The following SH3TC1 variants were observed in gnomAD, a reference collection of about 807,000 sequenced individuals.
SH3TC1 encodes the protein SH3 domain and tetratricopeptide repeats 1.
SH3TC1 carries 135 observed loss-of-function variants against 117.3 expected under a neutral mutation model. The ratio of observed to expected loss-of-function variants is 1.15; its 90% confidence interval spans 1.00 to 1.33. The LOEUF is 1.33. SH3TC1 is among the 40% of genes most tolerant of loss of function. The pLI is 0.00. For missense variants in SH3TC1, 2,092 were observed against 1,794.3 expected (o/e 1.17, Z -3.00); for synonymous variants, 898 against 816.9 (o/e 1.10, Z -1.69).
chr4:8,233,697 CATCCATCCATCCATCCTTCCATT>C (rs1208066209), intron 14 of SH3TC1, among the ~76,000 whole-genome samples, 184 bp downstream of exon 14: 7 of 150,676 alleles, frequency 4.6e-5, no homozygotes, highest in Admixed American at 3.3e-4. Flanking sequence ...ATCCATCCAT[CATCCATCCATCCATCCTTCCATT>C]ATCCATCCAT....
At chr4:8,196,499 A>G (rs1293276748), upstream of SH3TC1, among the ~76,000 whole-genome samples, 1 of 152,168 alleles carries the variant, frequency 6.6e-6, no homozygotes, top group Non-Finnish European at 1.5e-5. The surrounding 1 kb of genome is among the most constrained non-coding windows in gnomAD (Gnocchi z 4.6). Context: ...CACCCAGGAA[A>G]GCAGCCCACA....
At chr4:8,226,451 C>T (rs978439593) in intron 11 of SH3TC1, among the ~76,000 whole-genome samples, 1 of 152,250 alleles carries the variant, frequency 6.6e-6, no homozygotes, top group Admixed American at 6.5e-5. Flanking sequence ...TCCCTGTCCT[C>T]TGCTGTGGGT....
At chr4:8,236,783 C>T (rs1317496802) in intron 16 of SH3TC1, 1 of 224,320 alleles carries the variant, frequency 4.5e-6, no homozygotes, top group Non-Finnish European at 8.7e-6. Context: ...CCACCCTCAT[C>T]AACCACACGG....
chr4:8,236,162 C>G, intron 15 of SH3TC1, 116 bp from the exon 16 acceptor site: 1 of 1,299,156 alleles, frequency 7.7e-7, no homozygotes, highest in Non-Finnish European at 1.0e-6. Flanking sequence ...ACAGCTGTGT[C>G]GAGGCCCAGG....
chr4:8,222,347 G>GACA (rs1376918736), intron 9 of SH3TC1, among the ~76,000 whole-genome samples: 2 of 137,450 alleles, frequency 1.5e-5, no homozygotes, highest in Non-Finnish European at 3.1e-5. Context: ...GGCACCCCTT[G>GACA]AGGTCAGGAT....
upstream of SH3TC1, among the ~76,000 whole-genome samples, chr4:8,194,997 T>C (rs1717516843): frequency 6.6e-6 from 1 of 152,120 alleles, no homozygotes; most frequent in Non-Finnish European, 1.5e-5. Flanking sequence ...TTCTGCCACA[T>C]AGGAGCTGTG....
At chr4:8,212,230 C>T (rs1391979182) in intron 3 of SH3TC1, among the ~76,000 whole-genome samples, 1 of 151,098 alleles carries the variant, frequency 6.6e-6, no homozygotes, top group Non-Finnish European at 1.5e-5. Flanking sequence ...GGTGGGTGCC[C>T]CCATGGTCCC....
chr4:8,205,075 G>A lies in SH3TC1; in HGVS notation c.-28-92G>A. On this transcript the variant is annotated intron_variant, in intron 1 of 17. Coordinates refer to ENST00000245105, the MANE Select transcript of SH3TC1 (RefSeq NM_018986.5). The surrounding 1 kb of genome is among the most constrained non-coding windows in gnomAD (Gnocchi z 5.4). ...AAAGGTGCAGGCGCTCAGCAACGCT[G>A]GTGTTCTCTTTCTGGACCCCAGGCC... The A allele has an allele frequency of 9.6e-7, 1 of 1,046,280 alleles. No individual in the cohort carries two copies. Among genetic ancestry groups the A allele is most frequent in the Middle Eastern group, 3.2e-4 (1 of 3,162 alleles). 64.8% of individuals were successfully genotyped at this position (1,046,280 alleles called of 1,614,324 possible).
In SH3TC1 at chr4:8,205,230, G is replaced by A. The variant is rs1399666287; in HGVS notation, c.36G>A (p.Pro12=). ...TCCCTGCCGTGACCACTGAGGAGCC[G>A]ACCCCCATGGGGAGGGGTCCTGTGG... ...ENLPAVTTEE[P]TPMGRGPVGP... is the part of the protein sequence containing the mutation. Residue 12 remains proline (P), a synonymous_variant, in exon 2 of 18, where the codon CCG becomes CCA. Transcript: ENST00000245105. The surrounding 1 kb of genome is among the most constrained non-coding windows in gnomAD (Gnocchi z 5.4). The A allele has an allele frequency of 5.2e-6, 8 of 1,548,490 alleles. No individual in the cohort carries two copies. The highest frequency in any genetic ancestry group is 2.0e-5 in the Admixed American group (1 of 50,626).
rs751578511 is a variant in SH3TC1, at chr4:8,228,097, C to T, written c.2403C>T (p.Cys801=). The change falls in exon 12 of 18, where the codon TGC becomes TGT. Residue 801 remains cysteine, a synonymous_variant. Coordinates refer to ENST00000245105, the MANE Select transcript of SH3TC1 (RefSeq NM_018986.5). The stretch of plus-strand genomic sequence containing the variant: ...CCCAGCTGTACAGCCACCATGGCTG[C>T]CACGGCCCGGCCATCACCTTCATGA... ...SLAQLYSHHG[C]HGPAITFMTQ... 1.9e-6 allele frequency: 3 copies of T among 1,609,184 alleles called. No individual in the cohort carries two copies. The South Asian group carries it at 3.3e-5, about 18-fold the overall frequency.
intron 4 of SH3TC1, 62 bp from the exon 5 acceptor site, chr4:8,214,413 C>A: frequency 1.3e-6 from 2 of 1,487,738 alleles, no homozygotes; most frequent in South Asian, 1.1e-5. Flanking sequence ...TGGACGCTGT[C>A]CTCCTGACAG....
intron 1 of SH3TC1, among the ~76,000 whole-genome samples, chr4:8,194,247 T>C (rs1301046848): frequency 1.3e-5 from 2 of 152,180 alleles, no homozygotes; most frequent in Non-Finnish European, 2.9e-5. Context: ...TTCACGCTGC[T>C]CTGTCCCAGG....
chr4:8,231,537 C>T (rs3756194), intron 12 of SH3TC1: 60,319 of 170,482 alleles, frequency 0.35, 11,377 homozygotes, highest in Non-Finnish European at 0.41. Context: ...GGGAGGAGCA[C>T]GTGTGGGAAT....
chr4:8,215,773 T>G (rs1486472047), intron 5 of SH3TC1, among the ~76,000 whole-genome samples: 1 of 152,214 alleles, frequency 6.6e-6, no homozygotes, highest in East Asian at 1.9e-4. Flanking sequence ...CAGACCCACC[T>G]TGCTGCTGGC....
Position 8,232,524 on chromosome 4 carries a change from C to A in SH3TC1, c.3131+368C>A, listed in dbSNP as rs762324212. 3 of 1,381,238 alleles carry A rather than the reference C, an allele frequency of 2.2e-6. No homozygotes were observed. The Admixed American group carries it at 5.6e-5, about 26-fold the overall frequency. The allele number at this position is 1,381,238 out of a possible 1,614,324, so 85.6% of individuals were successfully genotyped here. ...GTCTTCACTCCTGGCCTTCACCTGTCCCCTTAAATGTGACCACAGCAGCCA... is the reference window on the plus strand; with the variant it reads ...GTCTTCACTCCTGGCCTTCACCTGTACCCTTAAATGTGACCACAGCAGCCA... On this transcript the variant is annotated intron_variant, in intron 13 of 17. Coordinates refer to ENST00000245105, the MANE Select transcript of SH3TC1 (RefSeq NM_018986.5).
At chr4:8,208,178 T>C (rs1158564000) in intron 2 of SH3TC1, among the ~76,000 whole-genome samples, 2 of 152,204 alleles carry the variant, frequency 1.3e-5, no homozygotes, top group Non-Finnish European at 2.9e-5. Flanking sequence ...GGGGCTCAGA[T>C]CTTCTTCAGA....
In SH3TC1 at chr4:8,233,464, A is replaced by T. The variant is rs765309264; in HGVS notation, c.3233A>T (p.Lys1078Met). 1 of 1,613,788 alleles carries T rather than the reference A, an allele frequency of 6.2e-7. No homozygotes were observed. The highest frequency in any genetic ancestry group is 1.3e-5 in the African/African-American group (1 of 74,940). ...GCGCATGCCTGGCTGCAAGCAGGGA[A>T]GATCTATTACATCTTGCGGCAGAGC... ...KEAHAWLQAG[K>M]IYYILRQSEL... The change falls in exon 14 of 18, where the codon AAG becomes ATG. Residue 1078 changes from lysine to methionine, a missense_variant. Lys to Met is a moderately conservative substitution (Grantham distance 95). Coordinates refer to ENST00000245105, the MANE Select transcript of SH3TC1 (RefSeq NM_018986.5).
Position 8,205,742 on chromosome 4 carries a change from G to A in SH3TC1, c.172+376G>A. 1.5e-6 allele frequency: 1 copy of A among 681,754 alleles called. No homozygotes were observed. Among genetic ancestry groups the A allele is most frequent in the Non-Finnish European group, 2.7e-6 (1 of 369,052 alleles). 42.2% of individuals were successfully genotyped at this position (681,754 alleles called of 1,614,324 possible). ...GATGAGGCATCCTCGTTCTCCAGGA[G>A]GCACCCAAGGTGCAGAGAGGGAAGG... On this transcript the variant is annotated intron_variant, in intron 2 of 17. Transcript: ENST00000245105. This position sits in a 1 kb window ranked among gnomAD's most constrained non-coding sequence, Gnocchi z 5.4.
chr4:8,216,358 C>CTG (rs1419897481), intron 6 of SH3TC1, 101 bp downstream of exon 6: 17 of 1,485,948 alleles, frequency 1.1e-5, no homozygotes, highest in Middle Eastern at 2.4e-4. Flanking sequence ...ATGTCTGGGG[C>CTG]TGTGGGCTGC....
Sources: allele counts gnomAD v4.1 joint callset (sites outside exome capture counted in the v4.1 genomes callset), GRCh38; gene constraint gnomAD v4.1.1; non-coding constraint Gnocchi (gnomAD v3.1); transcripts MANE v1.5; gene names NCBI Gene and HGNC (gene_info 2026-07-23, HGNC 2026-07-21).